The following RNF130 variants were observed in gnomAD, a reference collection of about 807,000 sequenced individuals.
The protein encoded by RNF130 is ring finger protein 130.
A neutral mutation model predicts 44.6 loss-of-function variants in RNF130; 21 were observed. The ratio of observed to expected loss-of-function variants is 0.47; its 90% confidence interval spans 0.33 to 0.68. RNF130 has a LOEUF of 0.68. RNF130 is among the 30% of genes least tolerant of loss of function. The pLI, the probability that RNF130 is intolerant of heterozygous loss-of-function variation, is 0.02. For missense variants in RNF130, 479 were observed against 560.6 expected, an observed-to-expected ratio of 0.85 and a Z score of 1.47; for synonymous variants, 214 against 210.4, an observed-to-expected ratio of 1.02 and a Z score of -0.15.
chr5:180,063,899 G>A (rs1017871247), intron 1 of RNF130, among the ~76,000 whole-genome samples: 2 of 152,106 alleles, frequency 1.3e-5, no homozygotes, highest in Admixed American at 6.5e-5. Flanking sequence ...TGATTTCATG[G>A]AATTACATCA....
At chr5:179,981,980 T>C (rs993640587) in intron 3 of RNF130, among the ~76,000 whole-genome samples, 3 of 152,174 alleles carry the variant, frequency 2.0e-5, no homozygotes, top group Non-Finnish European at 4.4e-5. Context: ...GCTGTTTTCA[T>C]TACCCATGAA....
chr5:179,952,586 C>A (rs909324582), downstream of RNF130, among the ~76,000 whole-genome samples: 1 of 152,056 alleles, frequency 6.6e-6, no homozygotes, highest in African/African-American at 2.4e-5. Context: ...AATATAGATG[C>A]AAAAATCCTC....
chr5:180,037,033 G>T (rs907817877), intron 2 of RNF130, among the ~76,000 whole-genome samples: 1 of 152,136 alleles, frequency 6.6e-6, no homozygotes, highest in Non-Finnish European at 1.5e-5. Context: ...GTATTCAAAT[G>T]ATATCCAACT....
chr5:179,994,433 G>T (rs1296805322), intron 3 of RNF130, among the ~76,000 whole-genome samples: 1 of 152,156 alleles, frequency 6.6e-6, no homozygotes, highest in Non-Finnish European at 1.5e-5. Context: ...TTCATCCCTT[G>T]TAAGTTGGAT....
chr5:179,964,490 A>C (rs1370044328), intron 7 of RNF130: 2 of 152,216 alleles, frequency 1.3e-5, no homozygotes. Flanking sequence ...GTTTTAACAA[A>C]ATGTTATACA....
chr5:179,944,701 G>T (rs576546094), intron 7 of RNF130, among the ~76,000 whole-genome samples: 29 of 151,850 alleles, frequency 1.9e-4, no homozygotes, highest in African/African-American at 7.0e-4. Context: ...GTTTGAGGCT[G>T]CAGTGAACCA....
chr5:179,970,461 A>G lies in RNF130; in HGVS notation c.894T>C (p.His298=). 1.2e-6 allele frequency: 2 copies of G among 1,613,818 alleles called. No homozygotes were observed. Among genetic ancestry groups the G allele is most frequent in the Non-Finnish European group, 1.7e-6 (2 of 1,179,868 alleles). Reference sequence around the variant, plus strand: ...TAAGTTTGCACATAGGACAGGTACAATGTTCACTAAGCCAGGGATCCACGC... The same window carrying G: ...TAAGTTTGCACATAGGACAGGTACAGTGTTCACTAAGCCAGGGATCCACGC... ...KSCVDPWLSE[H]CTCPMCKLNI... Residue 298 remains histidine, a synonymous_variant, in exon 6 of 9, where the codon CAT becomes CAC. Coordinates refer to ENST00000521389, the MANE Select transcript of RNF130 (RefSeq NM_018434.6).
rs534943269 is a variant in RNF130, at chr5:179,939,144, G to A, written c.1151-18718C>T. On this transcript the variant is annotated intron_variant, in intron 7 of 7. Transcript: ENST00000522208. ...AGGCAGGAGAATCGCTTGAACTCGGGAGGCAGAGGTTGCAGTGAGCTGAGG... is the reference window on the plus strand; with the variant it reads ...AGGCAGGAGAATCGCTTGAACTCGGAAGGCAGAGGTTGCAGTGAGCTGAGG... 5.4e-3 allele frequency among the ~76,000 whole-genome samples: 817 copies of A among 152,234 alleles called. 9 individuals are homozygous for A. The highest frequency in any genetic ancestry group is 9.4e-3 in the Non-Finnish European group (640 of 68,014).
At chr5:180,046,081 G>C (rs977609368) in intron 1 of RNF130, among the ~76,000 whole-genome samples, 9 of 152,190 alleles carry the variant, frequency 5.9e-5, no homozygotes, top group African/African-American at 2.4e-5. Context: ...CTGCCCCATG[G>C]GGAGGCATCT....
intron 3 of RNF130, among the ~76,000 whole-genome samples, chr5:179,998,109 G>C (rs546960993): frequency 6.6e-6 from 1 of 152,228 alleles, no homozygotes; most frequent in Non-Finnish European, 1.5e-5. Flanking sequence ...AAAGTGCTGC[G>C]ATTAGAGGCG....
Position 179,978,186 on chromosome 5 carries a change from A to C in RNF130, c.848+17T>G, listed in dbSNP as rs1280387463. The C allele has an allele frequency of 8.2e-6, 13 of 1,593,916 alleles. No homozygotes were observed. Among genetic ancestry groups the C allele is most frequent in the Non-Finnish European group, 1.1e-5 (13 of 1,161,632 alleles). ...ACATTAATATCATTCTTTCTCAAAC[A>C]AATGAAGTTGACATACTTGCAGGGG... On this transcript the variant is annotated intron_variant, in intron 5 of 8. Coordinates refer to ENST00000521389, the MANE Select transcript of RNF130 (RefSeq NM_018434.6).
At position 180,055,517 on chromosome 5, in the gene RNF130, T is replaced by C. The variant is rs547572909; in HGVS notation, c.248-14870A>G. On this transcript the variant is annotated intron_variant, in intron 1 of 8. Transcript: ENST00000521389. ...CTGTGTGTCTGTCTGTCTCATGTGG[T>C]ATACCAGTTGTCCTAAATAAAGAGA... Among the ~76,000 whole-genome samples, 9 of 152,150 alleles carry C rather than the reference T, an allele frequency of 5.9e-5. No homozygotes were observed. In the East Asian group the frequency reaches 1.7e-3, roughly 29 times the overall value.
chr5:179,939,821 A>C (rs1761947192), intron 7 of RNF130: 1 of 376,548 alleles, frequency 2.7e-6, no homozygotes, highest in Non-Finnish European at 5.1e-6. Context: ...AGTTGAATGA[A>C]AATGGGTCCC....
chr5:180,068,813 G>A (rs748990653), intron 1 of RNF130, among the ~76,000 whole-genome samples: 1 of 152,036 alleles, frequency 6.6e-6, no homozygotes, highest in Admixed American at 6.6e-5. Context: ...TGAATTTCAC[G>A]TATTGGCCAC....
chr5:180,044,267 T>C (rs1181503460), intron 1 of RNF130, among the ~76,000 whole-genome samples: 4 of 152,204 alleles, frequency 2.6e-5, no homozygotes, highest in Non-Finnish European at 5.9e-5. Flanking sequence ...TTATTAATTA[T>C]AGAGCCAGGA....
In RNF130 at chr5:180,015,935, T is replaced by C. The variant is rs1763716923; in HGVS notation, c.443-2624A>G. ...AACAATATTTATTGAGCACATACTA[T>C]GATCAGGCTCCTTTCACCTCTTAAA... On this transcript the variant is annotated intron_variant, in intron 2 of 8. Transcript: ENST00000521389. Among the ~76,000 whole-genome samples the C allele has an allele frequency of 2.6e-5, 4 of 152,252 alleles. No homozygotes were observed. In the South Asian group the frequency reaches 8.3e-4, roughly 31 times the overall value.
intron 7 of RNF130, among the ~76,000 whole-genome samples, chr5:179,941,505 T>A (rs935810894): frequency 4.6e-5 from 7 of 152,126 alleles, no homozygotes; most frequent in African/African-American, 1.7e-4. Flanking sequence ...TGGTGGCCCA[T>A]GAATTCCGAG....
At chr5:180,020,397 G>A (rs925887568) in intron 2 of RNF130, among the ~76,000 whole-genome samples, 4 of 152,126 alleles carry the variant, frequency 2.6e-5, no homozygotes, top group African/African-American at 7.2e-5. Flanking sequence ...TGGTGTGGAC[G>A]TGCTGTACGC....
chr5:179,990,742 G>A (rs907704283), intron 3 of RNF130, among the ~76,000 whole-genome samples: 60 of 152,220 alleles, frequency 3.9e-4, no homozygotes, highest in Admixed American at 4.6e-4. Flanking sequence ...CTGTCTGGGC[G>A]TGACAGAGGG....
Sources: allele counts gnomAD v4.1 joint callset (sites outside exome capture counted in the v4.1 genomes callset), GRCh38; gene constraint gnomAD v4.1.1; transcripts MANE v1.5; gene names NCBI Gene and HGNC (gene_info 2026-07-23, HGNC 2026-07-21).